Variants in LGR4 observed in about 807,000 individuals in gnomAD.
LGR4 encodes the protein leucine rich repeat containing G protein-coupled receptor 4.
A neutral mutation model predicts 84.8 loss-of-function variants in LGR4; 44 were observed. That is an observed-to-expected ratio of 0.52 (90% CI 0.41 to 0.67). LGR4 has a LOEUF of 0.67. LGR4 is among the 30% of genes least tolerant of loss of function. The pLI is 0.00. For synonymous variants in LGR4, 429 were observed against 434.3 expected (o/e 0.99, Z 0.15); for missense variants, 1,032 against 1,131.4 (o/e 0.91, Z 1.26).
At chr11:27,430,339 T>C (rs1864095057) in intron 1 of LGR4, among the ~76,000 whole-genome samples, 3 of 152,172 alleles carry the variant, frequency 2.0e-5, no homozygotes, top group Admixed American at 1.3e-4. Flanking sequence ...TACTCCACGT[T>C]AACAGGGCTA....
At chr11:27,457,814 T>C (rs1283355860) in intron 1 of LGR4, among the ~76,000 whole-genome samples, 2 of 152,158 alleles carry the variant, frequency 1.3e-5, no homozygotes, top group African/African-American at 4.8e-5. Context: ...ACGTACACAA[T>C]GGAACACTCC....
chr11:27,469,412 G>A (rs1333123278), intron 1 of LGR4, among the ~76,000 whole-genome samples: 4 of 152,144 alleles, frequency 2.6e-5, no homozygotes, highest in Non-Finnish European at 5.9e-5. Context: ...TCCATGCCAC[G>A]GTTCTGCTCC....
intron 1 of LGR4, among the ~76,000 whole-genome samples, chr11:27,442,676 T>A (rs1474721403): frequency 6.6e-6 from 1 of 152,182 alleles, no homozygotes; most frequent in Non-Finnish European, 1.5e-5. Context: ...ATTATGACAA[T>A]CATTCACAAA....
At position 27,377,152 on chromosome 11, in the gene LGR4, A is replaced by C. The variant is rs1862999068; in HGVS notation, c.1109+6T>G. 6.4e-7 allele frequency: 1 copy of C among 1,556,976 alleles called. No homozygotes were observed. Among genetic ancestry groups the C allele is most frequent in the Non-Finnish European group, 8.8e-7 (1 of 1,134,482 alleles). ...AACAAAAGGAATAAGTCAAAGACCA[A>C]CTCACATTTCTTCCAGAGCATGGCA... On this transcript the variant is annotated splice_donor_region_variant and intron_variant, in intron 12 of 17. Transcript: ENST00000379214.
At chr11:27,373,835 C>T (rs1376587605) in intron 14 of LGR4, 140 bp downstream of exon 14, 3 of 981,410 alleles carry the variant, frequency 3.1e-6, no homozygotes, top group African/African-American at 3.3e-5. Flanking sequence ...TTTAAGAAGA[C>T]TTTTACTATA....
chr11:27,374,360 G>A (rs1030590237), intron 13 of LGR4, among the ~76,000 whole-genome samples: 1 of 152,098 alleles, frequency 6.6e-6, no homozygotes, highest in Non-Finnish European at 1.5e-5. Flanking sequence ...CTTTGGTACT[G>A]CTAACTCAGT....
Position 27,411,388 on chromosome 11 carries a change from GA to G in LGR4, c.257+1400del, listed in dbSNP as rs796827819. Among the ~76,000 whole-genome samples, 922 of 140,258 alleles carry G rather than the reference GA, an allele frequency of 6.6e-3. 10 individuals carry two copies. Among genetic ancestry groups the G allele is most frequent in the African/African-American group, 0.021 (802 of 38,484 alleles). 92.0% of individuals were successfully genotyped at this position (140,258 alleles called of 152,430 possible). On this transcript the variant is annotated intron_variant, in intron 2 of 17. Transcript: ENST00000379214. The stretch of plus-strand genomic sequence containing the variant: ...ACAAAATAATTAATGTTCACTATAA[GA>G]AAAAAAAAAACAACAACACAGGAGG...
Position 27,385,298 on chromosome 11 carries a change from C to G in LGR4, c.572G>C (p.Ser191Thr). 1 of 1,601,404 alleles carries G rather than the reference C, an allele frequency of 6.2e-7. No homozygotes were observed. Among genetic ancestry groups the G allele is most frequent in the East Asian group, 2.3e-5 (1 of 44,380 alleles). Residue 191 changes from serine to threonine, a missense_variant, in exon 5 of 18, where the codon AGC (serine) becomes ACC (threonine). Transcript: ENST00000379214. ...ALTLALNKISSIPDFAFTNLS... is the reference protein window; with the variant it reads ...ALTLALNKISTIPDFAFTNLS... The stretch of plus-strand genomic sequence containing the variant: ...GTTGGTAAATGCAAAGTCAGGGATG[C>G]TTGAGATCTTGTTGAGAGCCAGGGT...
intron 1 of LGR4, among the ~76,000 whole-genome samples, chr11:27,459,452 T>G (rs1864639497): frequency 6.6e-6 from 1 of 151,984 alleles, no homozygotes. Flanking sequence ...GAATGCCACC[T>G]CAGCCAGGAT....
At position 27,373,977 on chromosome 11, in the gene LGR4, G is replaced by A. The variant is rs181117893; in HGVS notation, c.1251C>T (p.Asn417=). The A allele has an allele frequency of 8.7e-6, 14 of 1,600,160 alleles. No homozygotes were observed. The highest frequency in any genetic ancestry group is 8.3e-5 in the Admixed American group (5 of 60,000). Residue 417 remains asparagine (N), a splice_region_variant and synonymous_variant, in exon 14 of 18, where the codon AAC becomes AAT. Coordinates refer to ENST00000379214, the MANE Select transcript of LGR4 (RefSeq NM_018490.5). The part of the protein sequence containing the change: ...RAFATLGPIT[N]LDVSFNELTS... Reference sequence around the variant, plus strand: ...TTACTGCATAATCATCCACTTACAGGTTAGTTATTGGCCCAAGTGTGGCAA... The same window carrying A: ...TTACTGCATAATCATCCACTTACAGATTAGTTATTGGCCCAAGTGTGGCAA...
chr11:27,426,295 T>A (rs750944851), intron 1 of LGR4, among the ~76,000 whole-genome samples: 1 of 152,106 alleles, frequency 6.6e-6, no homozygotes, highest in South Asian at 2.1e-4. Context: ...TGCAAACACA[T>A]TGGGGGAAAA....
chr11:27,405,259 C>T (rs1407201846), intron 2 of LGR4, among the ~76,000 whole-genome samples: 1 of 150,384 alleles, frequency 6.6e-6, no homozygotes, highest in Non-Finnish European at 1.5e-5. Flanking sequence ...TTGTGAAAAA[C>T]CTCTCCTCCC....
chr11:27,418,832 CTT>C (rs55877673), intron 1 of LGR4, among the ~76,000 whole-genome samples: 8,161 of 128,746 alleles, frequency 0.063, 441 homozygotes, highest in African/African-American at 0.22. Context: ...GGATTGAAAT[CTT>C]TTTTTTTTTT....
At chr11:27,434,277 GAGCTCTCATGTAA>G (rs1864168098) in intron 1 of LGR4, among the ~76,000 whole-genome samples, 2 of 152,192 alleles carry the variant, frequency 1.3e-5, no homozygotes, top group African/African-American at 4.8e-5. Flanking sequence ...GAAACCTGAA[GAGCTCTCATGTAA>G]ATAAGAGAAG....
chr11:27,416,169 A>G (rs1863812595), intron 1 of LGR4, among the ~76,000 whole-genome samples: 1 of 152,152 alleles, frequency 6.6e-6, no homozygotes, highest in Non-Finnish European at 1.5e-5. Context: ...ATGTAAATAT[A>G]TATCATATGA....
At chr11:27,406,835 G>T (rs941044382) in intron 2 of LGR4, among the ~76,000 whole-genome samples, 3 of 152,106 alleles carry the variant, frequency 2.0e-5, no homozygotes, top group Non-Finnish European at 4.4e-5. Flanking sequence ...TGCTTTTTCT[G>T]GGAAATTACT....
chr11:27,455,904 G>A (rs1207406786), intron 1 of LGR4, among the ~76,000 whole-genome samples: 1 of 152,142 alleles, frequency 6.6e-6, no homozygotes, highest in African/African-American at 2.4e-5. Flanking sequence ...TAATAGCATT[G>A]CTTTGGAGGC....
intron 1 of LGR4, among the ~76,000 whole-genome samples, chr11:27,466,097 A>C (rs144226855): frequency 8.5e-5 from 13 of 152,348 alleles, no homozygotes; most frequent in African/African-American, 3.1e-4. Context: ...CTTGAGATCA[A>C]GTTTAAAAAA....
chr11:27,392,522 G>C lies in LGR4; in HGVS notation c.258-4C>G. 3 of 1,320,518 alleles carry C rather than the reference G, an allele frequency of 2.3e-6. No homozygotes were observed. The highest frequency in any genetic ancestry group is 1.9e-5 in the South Asian group (1 of 52,502). The allele number at this position is 1,320,518 out of a possible 1,614,324, so 81.8% of individuals were successfully genotyped here. ...AAGGTCGTTGCCCGCCAATTGTCTAGAGAAAAAAAAAAAAAAAGTAGCAAG... is the reference window on the plus strand; with the variant it reads ...AAGGTCGTTGCCCGCCAATTGTCTACAGAAAAAAAAAAAAAAAGTAGCAAG... On this transcript the variant is annotated splice_region_variant and splice_polypyrimidine_tract_variant and intron_variant, in intron 2 of 17. Coordinates refer to ENST00000379214, the MANE Select transcript of LGR4 (RefSeq NM_018490.5).
Sources: gnomAD v4.1 joint callset for allele counts (sites outside exome capture counted in the v4.1 genomes callset) on GRCh38, gnomAD v4.1.1 for gene constraint, MANE v1.5 for transcripts, NCBI Gene and HGNC (gene_info 2026-07-23, HGNC 2026-07-21) for gene names.